The following NUFIP2 variants were observed in gnomAD, a reference collection of about 807,000 sequenced individuals.
The protein encoded by NUFIP2 is FMR1-interacting protein NUFIP2.
NUFIP2 carries 6 observed loss-of-function variants against 56.9 expected under a neutral mutation model. The ratio of observed to expected loss-of-function variants is 0.11; its 90% CI spans 0.06 to 0.21. The LOEUF (loss-of-function observed/expected upper bound fraction) is 0.21. NUFIP2 is among the 10% of genes least tolerant of loss of function. The pLI is 1.00. For missense variants in NUFIP2, 828 were observed against 826.8 expected (o/e 1.00, Z -0.02); for synonymous variants, 321 against 298.2 (o/e 1.08, Z -0.79).
Position 29,293,835 on chromosome 17 carries a change from A to G in NUFIP2, c.225T>C (p.His75=). The change falls in exon 1 of 4, where the codon CAT becomes CAC. Residue 75 remains histidine (H), a synonymous_variant. Transcript: ENST00000225388. ...GCTGCTGGAGGGTGTGTTTCTGCTC[A>G]TGTTTCAGCGGCTTTGGCTGGGCCT... The part of the protein sequence containing the change: ...SPKAQPKPLK[H]EQKHTLQQHQ... The G allele has an allele frequency of 6.2e-7, 1 of 1,605,182 alleles. No homozygotes were observed. The highest frequency in any genetic ancestry group is 8.5e-7 in the Non-Finnish European group (1 of 1,174,766).
intron 2 of NUFIP2, among the ~76,000 whole-genome samples, chr17:29,283,740 T>G (rs1175942944): frequency 2.0e-5 from 3 of 152,016 alleles, no homozygotes; most frequent in Non-Finnish European, 2.9e-5. Context: ...AAAACCCAAC[T>G]CTCCTGGCAG....
At chr17:29,272,015 G>A (rs1339835209) in intron 2 of NUFIP2, among the ~76,000 whole-genome samples, 1 of 134,834 alleles carries the variant, frequency 7.4e-6, no homozygotes, top group Non-Finnish European at 1.6e-5. Context: ...AGAGATTGCA[G>A]TGAGCCCAGA....
rs538570233 is a variant in NUFIP2, at chr17:29,290,442, G to A, written c.278-2726C>T. Among the ~76,000 whole-genome samples, 2 of 151,712 alleles carry A rather than the reference G, an allele frequency of 1.3e-5. 1 individual carries two copies. Among genetic ancestry groups the A allele is most frequent in the South Asian group, 4.2e-4 (2 of 4,814 alleles). ...ATCCCAGGCAGGTGGATCACTTGAG[G>A]TCAGGAGTTTGAGACCAGTCCGGCC... On this transcript the variant is annotated intron_variant, in intron 1 of 3. Coordinates refer to ENST00000225388, the MANE Select transcript of NUFIP2 (RefSeq NM_020772.3).
Position 29,293,844 on chromosome 17 carries a change from C to T in NUFIP2, c.216G>A (p.Pro72=). 6.2e-7 allele frequency: 1 copy of T among 1,609,416 alleles called. No homozygotes were observed. The highest frequency in any genetic ancestry group is 2.2e-5 in the East Asian group (1 of 44,702). ...AEGSPKAQPK[P]LKHEQKHTLQ... ...GGGTGTGTTTCTGCTCATGTTTCAG[C>T]GGCTTTGGCTGGGCCTTGGGGCTGC... is the stretch of plus-strand genomic sequence containing the variant. Residue 72 remains proline, a synonymous_variant, in exon 1 of 4, where the codon CCG becomes CCA. Transcript: ENST00000225388.
rs936245139 is a variant in NUFIP2 at position 29,261,213 on chromosome 17, G to A, written c.*3326C>T. 1 of 151,894 alleles carries A rather than the reference G, an allele frequency of 6.6e-6. No individual in the cohort carries two copies. The highest frequency in any genetic ancestry group is 1.5e-5 in the Non-Finnish European group (1 of 67,952). 9.4% of individuals were successfully genotyped at this position (151,894 alleles called of 1,614,324 possible). A position where few individuals can be genotyped will look rare whatever the true frequency, so the allele number is the denominator to read the frequency against. On this transcript the variant is annotated 3_prime_UTR_variant, in exon 4 of 4. Transcript: ENST00000225388. The stretch of plus-strand genomic sequence containing the variant: ...ATCTTCATAGCTATTAAAAAAATAG[G>A]TCATAATTTCATTCTTAGTGCCATT...
At chr17:29,274,795 T>C (rs563741667) in intron 2 of NUFIP2, among the ~76,000 whole-genome samples, 1 of 152,118 alleles carries the variant, frequency 6.6e-6, no homozygotes, top group South Asian at 2.1e-4. Context: ...GACAATAATA[T>C]ACAGAGAGTC....
chr17:29,266,599 A>T (rs2069038298), intron 3 of NUFIP2, among the ~76,000 whole-genome samples: 1 of 152,098 alleles, frequency 6.6e-6, no homozygotes. Context: ...AGGCTCCTAT[A>T]ACAGCTAATA....
At chr17:29,291,413 A>G (rs1377922956) in intron 1 of NUFIP2, among the ~76,000 whole-genome samples, 1 of 152,142 alleles carries the variant, frequency 6.6e-6, no homozygotes, top group Non-Finnish European at 1.5e-5. Flanking sequence ...CATGTTACAG[A>G]TAAATTTCAA....
At chr17:29,275,142 C>T (rs928307655) in intron 2 of NUFIP2, among the ~76,000 whole-genome samples, 10 of 152,046 alleles carry the variant, frequency 6.6e-5, no homozygotes, top group African/African-American at 2.2e-4. Flanking sequence ...CCTCAGCCCC[C>T]CCCAAGCAGC....
rs756243124 is a variant in NUFIP2, at chr17:29,294,047, G to C, written c.13C>G (p.Pro5Ala). 3 of 1,601,526 alleles carry C rather than the reference G, an allele frequency of 1.9e-6. No homozygotes were observed. The highest frequency in any genetic ancestry group is 2.7e-5 in the African/African-American group (2 of 74,744). ...TGGTGCTGAGGCTGTGGCTGGCCGG[G>C]CTTCTCCTCCATTGAAAGCGGCTGG... MEEKPGQPQPQHHHS... is the reference protein window; with the variant it reads MEEKAGQPQPQHHHS... The change falls in exon 1 of 4, where the codon CCC becomes GCC. Residue 5 changes from proline (P) to alanine (A), a missense_variant. Pro to Ala is a conservative substitution (Grantham distance 27). Around this residue, in one of 3 missense-constraint regions of NUFIP2, gnomAD observed 415 missense variants for 408.7 expected, o/e 1.02. Coordinates refer to ENST00000225388, the MANE Select transcript of NUFIP2 (RefSeq NM_020772.3).
At chr17:29,272,487 G>A (rs940729157) in intron 2 of NUFIP2, among the ~76,000 whole-genome samples, 3 of 152,088 alleles carry the variant, frequency 2.0e-5, no homozygotes, top group Non-Finnish European at 2.9e-5. Context: ...TGATCTGCCC[G>A]CCCTGGCCTC....
At chr17:29,269,721 C>T (rs1055898217) in intron 2 of NUFIP2, among the ~76,000 whole-genome samples, 2 of 151,878 alleles carry the variant, frequency 1.3e-5, no homozygotes, top group African/African-American at 4.8e-5. Flanking sequence ...GCAATCCTTC[C>T]ACCTCAGCCA....
In NUFIP2 at chr17:29,287,628, C is replaced by G; in HGVS notation, c.366G>C (p.Arg122Ser). 6.2e-7 allele frequency: 1 copy of G among 1,613,916 alleles called. No homozygotes were observed. Among genetic ancestry groups the G allele is most frequent in the East Asian group, 2.2e-5 (1 of 44,874 alleles). ...SSDEATNPISRVLNGNQQVVD... is the reference protein window; with the variant it reads ...SSDEATNPISSVLNGNQQVVD... ...CAACTTGCTGGTTGCCATTGAGGACCCTGGAAATAGGGTTGGTGGCTTCAT... is the reference window on the plus strand; with the variant it reads ...CAACTTGCTGGTTGCCATTGAGGACGCTGGAAATAGGGTTGGTGGCTTCAT... The change falls in exon 2 of 4, where the codon AGG (arginine) becomes AGC (serine). Residue 122 changes from arginine (R) to serine (S), a missense_variant. Physicochemically the swap from Arg to Ser is moderately radical, Grantham distance 110. Transcript: ENST00000225388.
At chr17:29,268,001 C>T (rs1156883651) in intron 2 of NUFIP2, among the ~76,000 whole-genome samples, 2 of 152,152 alleles carry the variant, frequency 1.3e-5, no homozygotes, top group East Asian at 1.9e-4. Context: ...CGGGTTCCAG[C>T]GCTTCTCCTG....
chr17:29,279,178 A>G (rs1567679147), intron 2 of NUFIP2, among the ~76,000 whole-genome samples: 1 of 152,182 alleles, frequency 6.6e-6, no homozygotes, highest in African/African-American at 2.4e-5. Context: ...TTTAGAAGAG[A>G]AAATTTAATA....
At chr17:29,280,768 T>C (rs918859738) in intron 2 of NUFIP2, among the ~76,000 whole-genome samples, 4 of 151,816 alleles carry the variant, frequency 2.6e-5, no homozygotes, top group African/African-American at 9.7e-5. Context: ...GGCGGAGAAC[T>C]TGAGGTCAAG....
At chr17:29,267,615 T>G (rs1400766223) in intron 2 of NUFIP2, 85 bp from the exon 3 acceptor site, 2 of 815,580 alleles carry the variant, frequency 2.5e-6, no homozygotes, top group Non-Finnish European at 3.9e-6. Flanking sequence ...CTAAAAATCC[T>G]AGACTGATTA....
Position 29,287,466 on chromosome 17 carries a change from C to T in NUFIP2, c.528G>A (p.Gln176=), listed in dbSNP as rs2069184669. The change falls in exon 2 of 4, where the codon CAG becomes CAA. Residue 176 remains glutamine, a synonymous_variant. Transcript: ENST00000225388. ...KSYENKSGEN[Q]SVDKSDTIPI... is the part of the protein sequence containing the mutation. ...GTATAGTATCAGACTTATCTACAGA[C>T]TGATTCTCTCCAGATTTATTTTCAT... The T allele has an allele frequency of 1.2e-6, 2 of 1,613,968 alleles. No individual in the cohort carries two copies. The highest frequency in any genetic ancestry group is 1.7e-6 in the Non-Finnish European group (2 of 1,179,992).
In NUFIP2 at chr17:29,258,026, G is replaced by A. The variant is rs1283516537; in HGVS notation, c.*6513C>T. 3.9e-5 allele frequency: 6 copies of A among 152,014 alleles called. No homozygotes were observed. The highest frequency in any genetic ancestry group is 3.9e-4 in the Admixed American group (6 of 15,254). The allele number at this position is 152,014 out of a possible 1,614,324, so 9.4% of individuals were successfully genotyped here. A position where few individuals can be genotyped will look rare whatever the true frequency, so the allele number is the denominator to read the frequency against. On this transcript the variant is annotated 3_prime_UTR_variant, in exon 4 of 4. Coordinates refer to ENST00000225388, the MANE Select transcript of NUFIP2 (RefSeq NM_020772.3). ...TGCATAAAAATTAGTGAGGTGGTAAGAACCATCGACTATCTCAGGCATTAC... is the reference window on the plus strand; with the variant it reads ...TGCATAAAAATTAGTGAGGTGGTAAAAACCATCGACTATCTCAGGCATTAC...
Sources: allele counts gnomAD v4.1 joint callset (sites outside exome capture counted in the v4.1 genomes callset), GRCh38; gene constraint gnomAD v4.1.1; regional missense constraint gnomAD v4.1.1; transcripts MANE v1.5; gene names NCBI Gene and HGNC (gene_info 2026-07-23, HGNC 2026-07-21).